CELSR1: variants seen among roughly 807,000 people sequenced by gnomAD.
The protein encoded by CELSR1 is adhesion G protein-coupled receptor C1.
A neutral mutation model predicts 249.1 loss-of-function variants in CELSR1; 110 were observed. The observed-to-expected ratio is 0.44, with a 90% CI of 0.38 to 0.52. The LOEUF (loss-of-function observed/expected upper bound fraction) is 0.52. Ranked by LOEUF, CELSR1 falls within the 20% of genes least tolerant of loss-of-function variation. The pLI, the probability that CELSR1 is intolerant of heterozygous loss-of-function variation, is 0.00. For missense variants in CELSR1, 4,109 were observed against 4,296.4 expected, an observed-to-expected ratio of 0.96 and a Z score of 1.22; for synonymous variants, 2,113 against 1,900.0, an observed-to-expected ratio of 1.11 and a Z score of -2.92.
rs765887354 is a variant in CELSR1, at chr22:46,362,823, CGGGGCTGGACCGCGG to C, written c.*385_*399del. 268 of 302,024 alleles carry C rather than the reference CGGGGCTGGACCGCGG, an allele frequency of 8.9e-4. 1 individual carries two copies. Among genetic ancestry groups the C allele is most frequent in the Non-Finnish European group, 1.4e-3 (233 of 161,954 alleles). 18.7% of individuals were successfully genotyped at this position (302,024 alleles called of 1,614,324 possible). ...CACTGCCATGAGATGCCCGCCTGGG[CGGGGCTGGACCGCGG>C]TCTTTGGTCTGTGCCCGGCGTTCCT... On this transcript the variant is annotated 3_prime_UTR_variant, in exon 35 of 35. Transcript: ENST00000674500.
chr22:46,459,603 G>T (rs1049468084), intron 2 of CELSR1, among the ~76,000 whole-genome samples: 1 of 152,210 alleles, frequency 6.6e-6, no homozygotes, highest in East Asian at 1.9e-4. Context: ...TGCCCTCAGC[G>T]CTGAGGCCGC....
intron 1 of CELSR1, among the ~76,000 whole-genome samples, chr22:46,474,557 AAAT>A (rs2080188204): frequency 6.6e-6 from 1 of 152,116 alleles, no homozygotes; most frequent in African/African-American, 2.4e-5. Flanking sequence ...CATTACTTGT[AAAT>A]TTATCATTTA....
Position 46,448,551 on chromosome 22 carries a change from T to C in CELSR1, c.4184-9140A>G, listed in dbSNP as rs957661862. On this transcript the variant is annotated intron_variant, in intron 2 of 34. Transcript: ENST00000674500. This position sits in a 1 kb window ranked among gnomAD's most constrained non-coding sequence, Gnocchi z 5.7. ...TAAATAAATAAAAAGACAATTCCTT[T>C]CTGGTCCTAAGAAACAGCTAAGAGC... 4.5e-6 allele frequency: 2 copies of C among 440,826 alleles called. No individual in the cohort carries two copies. Among genetic ancestry groups the C allele is most frequent in the Non-Finnish European group, 9.0e-6 (2 of 221,420 alleles). 27.3% of individuals were successfully genotyped at this position (440,826 alleles called of 1,614,324 possible).
chr22:46,416,100 T>TC (rs148248242), intron 5 of CELSR1, among the ~76,000 whole-genome samples: 2 of 129,552 alleles, frequency 1.5e-5, no homozygotes, highest in African/African-American at 3.0e-5. Context: ...TGGTACAGGT[T>TC]GCAGAGGGGG....
At position 46,364,569 on chromosome 22, in the gene CELSR1, G is replaced by C; in HGVS notation, c.8722C>G (p.Gln2908Glu). Residue 2908 changes from glutamine (Q) to glutamate (E), a missense_variant, in exon 33 of 35, where the codon CAG (glutamine) becomes GAG (glutamate). This residue lies in a region of CELSR1 where 1,805 missense variants were observed against 1,831.6 expected (regional missense o/e 0.99). Coordinates refer to ENST00000674500, the MANE Select transcript of CELSR1 (RefSeq NM_001378328.1). ...AGCCTGGCTGCGCCCCCGCTCTCCT[G>C]GTCCGGGGGGTACTCTCCACGGTGA... ...GSHRGEYPPD[Q>E]ESGGAARLAS... 1 of 1,612,502 alleles carries C rather than the reference G, an allele frequency of 6.2e-7. No homozygotes were observed. Among genetic ancestry groups the C allele is most frequent in the Non-Finnish European group, 8.5e-7 (1 of 1,179,882 alleles).
At position 46,430,708 on chromosome 22, in the gene CELSR1, C is replaced by T. The variant is rs1484790386; in HGVS notation, c.4611+2685G>A. Among the ~76,000 whole-genome samples the T allele has an allele frequency of 1.3e-5, 2 of 152,156 alleles. No homozygotes were observed. The highest frequency in any genetic ancestry group is 4.8e-5 in the African/African-American group (2 of 41,420). On this transcript the variant is annotated intron_variant, in intron 5 of 34. Transcript: ENST00000674500. This position sits in a 1 kb window ranked among gnomAD's most constrained non-coding sequence, Gnocchi z 4.6. ...AGGCCCAGAGAGCAGAGGAACCAGCCCCCAGAAGATTGTCTTCCTGACCTC... is the reference window on the plus strand; with the variant it reads ...AGGCCCAGAGAGCAGAGGAACCAGCTCCCAGAAGATTGTCTTCCTGACCTC...
At position 46,391,094 on chromosome 22, in the gene CELSR1, C is replaced by T. The variant is rs1003096678; in HGVS notation, c.6250+92G>A. The T allele has an allele frequency of 8.6e-5, 91 of 1,057,442 alleles. No individual in the cohort carries two copies. Among genetic ancestry groups the T allele is most frequent in the Non-Finnish European group, 1.2e-4 (86 of 718,692 alleles). The allele number at this position is 1,057,442 out of a possible 1,614,324, so 65.5% of individuals were successfully genotyped here. On this transcript the variant is annotated intron_variant, in intron 16 of 34. Transcript: ENST00000674500. The surrounding 1 kb of genome is among the most constrained non-coding windows in gnomAD (Gnocchi z 4.3). The stretch of plus-strand genomic sequence containing the variant: ...ACTTTGCCTGCGGATATTTTTTCAA[C>T]ACGAAACATTCCATGAGTCCCCACA...
In CELSR1 at chr22:46,436,891, G is replaced by T. The variant is rs1191723641; in HGVS notation, c.4407-602C>A. Among the ~76,000 whole-genome samples, 1 of 151,968 alleles carries T rather than the reference G, an allele frequency of 6.6e-6. No homozygotes were observed. The highest frequency in any genetic ancestry group is 2.4e-5 in the African/African-American group (1 of 41,270). ...CCAGCTGTACTTGCCCTGACTCATT[G>T]TACTCTACCTTGCCCTTACCTCCCA... is the stretch of plus-strand genomic sequence containing the variant. On this transcript the variant is annotated intron_variant, in intron 3 of 34. Coordinates refer to ENST00000674500, the MANE Select transcript of CELSR1 (RefSeq NM_001378328.1). The surrounding 1 kb of genome is among the most constrained non-coding windows in gnomAD (Gnocchi z 5.9).
rs958092638 is a variant in CELSR1, at chr22:46,406,382, G to A, written c.5226+2614C>T. ...CCACACCTTCCAGGCAATCCGAGAG[G>A]TCTGTGCTGGAAAATGCTCCCGAGC... On this transcript the variant is annotated intron_variant, in intron 9 of 34. Coordinates refer to ENST00000674500, the MANE Select transcript of CELSR1 (RefSeq NM_001378328.1). The surrounding 1 kb of genome is among the most constrained non-coding windows in gnomAD (Gnocchi z 5.4). Among the ~76,000 whole-genome samples the A allele has an allele frequency of 1.3e-5, 2 of 152,214 alleles. No individual in the cohort carries two copies. The highest frequency in any genetic ancestry group is 1.9e-4 in the East Asian group (1 of 5,196).
At position 46,512,904 on chromosome 22, in the gene CELSR1, C is replaced by T. The variant is rs1217935499; in HGVS notation, c.3544+20723G>A. The stretch of plus-strand genomic sequence containing the variant: ...CTGTCCTCTGCTCCTGAGTGCTGCC[C>T]CGGGTGGCCCCGCATGGCAGGCGAC... On this transcript the variant is annotated intron_variant, in intron 1 of 34. Transcript: ENST00000674500. The surrounding 1 kb of genome is among the most constrained non-coding windows in gnomAD (Gnocchi z 5.2). 6.6e-6 allele frequency among the ~76,000 whole-genome samples: 1 copy of T among 152,234 alleles called. No homozygotes were observed. Among genetic ancestry groups the T allele is most frequent in the African/African-American group, 2.4e-5 (1 of 41,466 alleles).
Position 46,446,369 on chromosome 22 carries a change from A to T in CELSR1, c.4184-6958T>A, listed in dbSNP as rs2079820595. Among the ~76,000 whole-genome samples, 1 of 152,008 alleles carries T rather than the reference A, an allele frequency of 6.6e-6. No individual in the cohort carries two copies. The highest frequency in any genetic ancestry group is 1.5e-5 in the Non-Finnish European group (1 of 68,000). ...TCGGGCCACCTGCCTGCTTAGGGTG[A>T]CCCTGGGGGCTCTCATGGACTCAAA... On this transcript the variant is annotated intron_variant, in intron 2 of 34. Transcript: ENST00000674500. This position sits in a 1 kb window ranked among gnomAD's most constrained non-coding sequence, Gnocchi z 5.5.
chr22:46,418,966 T>C (rs1261932565), intron 5 of CELSR1, among the ~76,000 whole-genome samples: 1 of 152,170 alleles, frequency 6.6e-6, no homozygotes, highest in Non-Finnish European at 1.5e-5. Context: ...TGGGCATGCG[T>C]GTTCAGCACT....
Position 46,464,971 on chromosome 22 carries a change from C to T in CELSR1, c.3545-626G>A, listed in dbSNP as rs1470500417. 2.6e-5 allele frequency among the ~76,000 whole-genome samples: 4 copies of T among 152,166 alleles called. No homozygotes were observed. The highest frequency in any genetic ancestry group is 4.4e-5 in the Non-Finnish European group (3 of 68,028). On this transcript the variant is annotated intron_variant, in intron 1 of 34. Coordinates refer to ENST00000674500, the MANE Select transcript of CELSR1 (RefSeq NM_001378328.1). The surrounding 1 kb of genome is among the most constrained non-coding windows in gnomAD (Gnocchi z 8.5). ...CACATGCCCAGCACACAGGAGGGGC[C>T]GAGGAGCACCGCTTTACAAAGACAC... is the stretch of plus-strand genomic sequence containing the variant.
intron 1 of CELSR1, among the ~76,000 whole-genome samples, chr22:46,478,635 C>T (rs1264965916): frequency 1.3e-5 from 2 of 151,780 alleles, no homozygotes; most frequent in Non-Finnish European, 2.9e-5. Context: ...CTCTGCCTCC[C>T]GGGTTCAAGC....
chr22:46,466,029 G>A (rs1015707255), intron 1 of CELSR1, among the ~76,000 whole-genome samples: 3 of 152,158 alleles, frequency 2.0e-5, no homozygotes, highest in Non-Finnish European at 4.4e-5. Context: ...TCTGGCTCTG[G>A]CATAAACCCA....
chr22:46,399,867 G>A lies in CELSR1; in HGVS notation c.5262C>T (p.His1754=), dbSNP rs576300546. The change falls in exon 10 of 35, where the codon CAC becomes CAT. Residue 1754 remains histidine, a synonymous_variant. Coordinates refer to ENST00000674500, the MANE Select transcript of CELSR1 (RefSeq NM_001378328.1). The surrounding 1 kb of genome is among the most constrained non-coding windows in gnomAD (Gnocchi z 5.0). ...TCACGGACTCCACATCGGAGGGGCC[G>A]TGGGACACCTCAAACTGGAGGTAGT... ...LNNYLQFEVS[H]GPSDVESVML... is the part of the protein sequence containing the mutation. 1.2e-5 allele frequency: 19 copies of A among 1,614,104 alleles called. No homozygotes were observed. Among genetic ancestry groups the A allele is most frequent in the South Asian group, 3.3e-5 (3 of 91,082 alleles).
chr22:46,388,653 A>G (rs1387102335), intron 18 of CELSR1, among the ~76,000 whole-genome samples: 3 of 152,188 alleles, frequency 2.0e-5, no homozygotes, highest in African/African-American at 7.2e-5. Flanking sequence ...CTGGACGAAG[A>G]GGCCTGCAGC....
At position 46,456,986 on chromosome 22, in the gene CELSR1, C is replaced by T. The variant is rs189281516; in HGVS notation, c.4183+6721G>A. Among the ~76,000 whole-genome samples the T allele has an allele frequency of 3.9e-3, 598 of 152,226 alleles. 3 individuals carry two copies. The highest frequency in any genetic ancestry group is 6.8e-3 in the Non-Finnish European group (462 of 68,030). On this transcript the variant is annotated intron_variant, in intron 2 of 34. Transcript: ENST00000674500. ...CAAAGCCAGCAGCACTGAAGCGCTC[C>T]CAAGTGGCTACTCACCTACTCGGTT...
intron 5 of CELSR1, among the ~76,000 whole-genome samples, chr22:46,420,514 TCA>T (rs1303056708): frequency 2.6e-5 from 4 of 152,078 alleles, no homozygotes; most frequent in Non-Finnish European, 4.4e-5. Flanking sequence ...ACACACCCAC[TCA>T]CATCATTCAT....
Sources: gnomAD v4.1 joint callset for allele counts (sites outside exome capture counted in the v4.1 genomes callset) on GRCh38, gnomAD v4.1.1 for gene constraint, gnomAD v4.1.1 regional missense constraint, Gnocchi (gnomAD v3.1) non-coding constraint, MANE v1.5 for transcripts, NCBI Gene and HGNC (gene_info 2026-07-23, HGNC 2026-07-21) for gene names.